HMGCLL1: variants seen among roughly 807,000 people sequenced by gnomAD.
The protein encoded by HMGCLL1 is 3-hydroxy-3-methylglutaryl-CoA lyase like 1.
HMGCLL1 carries 36 observed loss-of-function variants against 39.1 expected under a neutral mutation model. That is an observed-to-expected ratio of 0.92 (90% confidence interval 0.71 to 1.22). HMGCLL1 has a LOEUF of 1.22. HMGCLL1 is among the 50% of genes most tolerant of loss of function. The probability of loss-of-function intolerance (pLI) is 0.00; values close to 1 mark genes in which losing one functional copy is unlikely to be tolerated. For missense variants in HMGCLL1, 451 were observed against 416.5 expected (o/e 1.08, Z -0.72); for synonymous variants, 149 against 144.0 (o/e 1.03, Z -0.25).
At chr6:55,600,730 C>T in the HMGCLL1 span, among the ~76,000 whole-genome samples, 1 of 152,058 alleles carries the variant, frequency 6.6e-6, no homozygotes, top group African/African-American at 2.4e-5. Context: ...TCATTTATCA[C>T]AGTTGTCAAC....
At chr6:55,479,717 G>A (rs1157134389) in intron 7 of HMGCLL1, among the ~76,000 whole-genome samples, 2 of 151,646 alleles carry the variant, frequency 1.3e-5, no homozygotes, top group Non-Finnish European at 2.9e-5. Context: ...GTATGTGAAA[G>A]CCTGAAGATT....
intron 7 of HMGCLL1, among the ~76,000 whole-genome samples, chr6:55,477,239 A>ATATATAATATATATTATT (rs1765391594): frequency 5.3e-5 from 1 of 18,840 alleles, no homozygotes; most frequent in African/African-American, 5.6e-4. Flanking sequence ...TATATATTAT[A>ATATATAATATATATTATT]TTTATATAAT....
chr6:55,662,401 G>A, the HMGCLL1 span, among the ~76,000 whole-genome samples: 8 of 151,670 alleles, frequency 5.3e-5, no homozygotes, highest in East Asian at 3.9e-4. Context: ...GAGGGCTGTC[G>A]AATTTCACTG....
chr6:55,556,005 T>A (rs913980874), intron 1 of HMGCLL1, among the ~76,000 whole-genome samples: 1 of 152,116 alleles, frequency 6.6e-6, no homozygotes, highest in African/African-American at 2.4e-5. Flanking sequence ...AAGGCCAGTA[T>A]GCAGGATCTT....
chr6:55,564,586 C>T (rs1258483718), intron 1 of HMGCLL1, among the ~76,000 whole-genome samples: 1 of 151,942 alleles, frequency 6.6e-6, no homozygotes, highest in Admixed American at 6.6e-5. Context: ...ATATATTTCC[C>T]AACAGAAGTT....
chr6:55,570,921 T>TA (rs1292944298), intron 1 of HMGCLL1, among the ~76,000 whole-genome samples: 1 of 152,190 alleles, frequency 6.6e-6, no homozygotes, highest in African/African-American at 2.4e-5. Flanking sequence ...AGGCTCATCT[T>TA]ACATGGCGGC....
intron 7 of HMGCLL1, among the ~76,000 whole-genome samples, chr6:55,474,346 A>G (rs1765190323): frequency 6.6e-6 from 1 of 151,452 alleles, no homozygotes; most frequent in Admixed American, 6.6e-5. Context: ...TTTCAGTTTT[A>G]TGAAGTGTCT....
chr6:55,579,142 C>T lies in HMGCLL1; in HGVS notation c.-87G>A. 1.0e-6 allele frequency: 1 copy of T among 992,892 alleles called. No homozygotes were observed. Among genetic ancestry groups the T allele is most frequent in the Non-Finnish European group, 1.5e-6 (1 of 646,974 alleles). The allele number at this position is 992,892 out of a possible 1,614,324, so 61.5% of individuals were successfully genotyped here. ...ACCGCGCTGGGAAACTGCGCCAGCT[C>T]GGGAGCGCGCCCCTCCGGTGCACTG... On this transcript the variant is annotated 5_prime_UTR_variant, in exon 1 of 9. Coordinates refer to ENST00000274901, the MANE Select transcript of HMGCLL1 (RefSeq NM_001042406.2).
intron 4 of HMGCLL1, 36 bp from the exon 5 acceptor site, chr6:55,514,232 C>T (rs1280342645): frequency 3.3e-6 from 5 of 1,529,260 alleles, no homozygotes; most frequent in Admixed American, 2.0e-5. Context: ...AATCTAATAA[C>T]TTCAAAAATG....
At chr6:55,602,536 T>C in the HMGCLL1 span, among the ~76,000 whole-genome samples, 1 of 152,020 alleles carries the variant, frequency 6.6e-6, no homozygotes, top group Non-Finnish European at 1.5e-5. Context: ...AACTTAATAA[T>C]TAACAATTAG....
chr6:55,474,760 T>G (rs1461164429), intron 7 of HMGCLL1, among the ~76,000 whole-genome samples: 1 of 151,516 alleles, frequency 6.6e-6, no homozygotes, highest in Non-Finnish European at 1.5e-5. Context: ...AGGCTGTAAG[T>G]GTGAGATTAT....
chr6:55,577,145 T>C (rs779675498), intron 1 of HMGCLL1: 2 of 1,601,582 alleles, frequency 1.2e-6, no homozygotes, highest in Admixed American at 1.7e-5. Context: ...CTGAAAGCAG[T>C]GAAGGTTTGT....
the HMGCLL1 span, among the ~76,000 whole-genome samples, chr6:55,616,600 C>T: frequency 6.6e-6 from 1 of 152,130 alleles, no homozygotes; most frequent in Non-Finnish European, 1.5e-5. Flanking sequence ...GACCAATCTA[C>T]TGTAATGCCT....
At chr6:55,523,950 G>C (rs764930679) in intron 3 of HMGCLL1, among the ~76,000 whole-genome samples, 1 of 151,808 alleles carries the variant, frequency 6.6e-6, no homozygotes, top group Non-Finnish European at 1.5e-5. Context: ...TACTGTGCAT[G>C]TTTCTATTTT....
rs1285931808 is a variant in HMGCLL1 at position 55,435,915 on chromosome 6, T to A, written c.922-152A>T. The A allele has an allele frequency of 8.4e-6, 4 of 473,708 alleles. No homozygotes were observed. The South Asian group carries it at 1.1e-4, about 13-fold the overall frequency. 29.3% of individuals were successfully genotyped at this position (473,708 alleles called of 1,614,324 possible). ...TCATTATCAATTTTGGGGCAACATTTGTTTCCATGAATAATGTTGTTAACA... is the reference window on the plus strand; with the variant it reads ...TCATTATCAATTTTGGGGCAACATTAGTTTCCATGAATAATGTTGTTAACA... On this transcript the variant is annotated intron_variant, in intron 8 of 8. Coordinates refer to ENST00000274901, the MANE Select transcript of HMGCLL1 (RefSeq NM_001042406.2).
At chr6:55,612,552 A>C in the HMGCLL1 span, among the ~76,000 whole-genome samples, 10 of 152,314 alleles carry the variant, frequency 6.6e-5, no homozygotes, top group African/African-American at 2.2e-4. Context: ...TTCAAACTAC[A>C]CTACAAAGCT....
chr6:55,504,343 C>CA (rs1480484501), intron 5 of HMGCLL1, among the ~76,000 whole-genome samples: 1 of 151,634 alleles, frequency 6.6e-6, no homozygotes, highest in Admixed American at 6.6e-5. Flanking sequence ...TAAATCACCC[C>CA]AGATATTAGA....
At chr6:55,594,254 C>A in the HMGCLL1 span, among the ~76,000 whole-genome samples, 1 of 152,124 alleles carries the variant, frequency 6.6e-6, no homozygotes, top group African/African-American at 2.4e-5. Context: ...CTCACTAGTT[C>A]AAATGTCTGG....
chr6:55,609,787 C>T, the HMGCLL1 span, among the ~76,000 whole-genome samples: 2 of 152,078 alleles, frequency 1.3e-5, no homozygotes, highest in South Asian at 2.1e-4. Context: ...GGCATCATGT[C>T]GGTGCCCCTT....
Sources: gnomAD v4.1 joint callset for allele counts (sites outside exome capture counted in the v4.1 genomes callset) on GRCh38, gnomAD v4.1.1 for gene constraint, MANE v1.5 for transcripts, NCBI Gene and HGNC (gene_info 2026-07-23, HGNC 2026-07-21) for gene names.